HIBCH: variants seen among roughly 807,000 people sequenced by gnomAD.
The protein encoded by HIBCH is 3-hydroxyisobutyryl-CoA hydrolase, mitochondrial.
In HIBCH, 50 loss-of-function variants were observed where a neutral mutation model predicts 58.2. The observed-to-expected ratio is 0.86, with a 90% CI of 0.68 to 1.09. The LOEUF (loss-of-function observed/expected upper bound fraction) is 1.09. Ranked by LOEUF, HIBCH falls within the 50% of genes least tolerant of loss-of-function variation. HIBCH has a pLI of 0.00. For synonymous variants in HIBCH, 151 were observed against 146.9 expected, an observed-to-expected ratio of 1.03 and a Z score of -0.20; for missense variants, 450 against 449.7, an observed-to-expected ratio of 1.00 and a Z score of -0.01.
At chr2:190,277,640 T>C (rs1355772343) in intron 6 of HIBCH, among the ~76,000 whole-genome samples, 6 of 152,142 alleles carry the variant, frequency 3.9e-5, no homozygotes, top group Non-Finnish European at 8.8e-5. Context: ...ATTGCAACCT[T>C]AGTAAGAAAA....
At chr2:190,249,553 A>T (rs1686705036) in intron 9 of HIBCH, 87 bp downstream of exon 9, 1 of 725,244 alleles carries the variant, frequency 1.4e-6, no homozygotes, top group Non-Finnish European at 2.4e-6. Flanking sequence ...TATATTTACA[A>T]ACTATAATAT....
In HIBCH at chr2:190,211,825, T is replaced by C. The variant is rs1005400167; in HGVS notation, c.1011+1131A>G. Among the ~76,000 whole-genome samples, 2 of 152,230 alleles carry C rather than the reference T, an allele frequency of 1.3e-5. No homozygotes were observed. Among genetic ancestry groups the C allele is most frequent in the African/African-American group, 4.8e-5 (2 of 41,466 alleles). On this transcript the variant is annotated intron_variant, in intron 12 of 13. Transcript: ENST00000359678. This position sits in a 1 kb window ranked among gnomAD's most constrained non-coding sequence, Gnocchi z 5.0. ...GTCTTCTTATTCAACAATATAAGGC[T>C]AACACTGAGCACAGTGCCTGGGACA...
rs371518713 is a variant in HIBCH at position 190,298,141 on chromosome 2, T to C, written c.79-1188A>G. 2.0e-5 allele frequency among the ~76,000 whole-genome samples: 3 copies of C among 152,186 alleles called. No individual in the cohort carries two copies. The East Asian group carries it at 5.8e-4, about 29-fold the overall frequency. ...TGGTGTATATGTGCCACATTTTCTT[T>C]ATCCAGTCTATTATTGATGGGCACC... On this transcript the variant is annotated intron_variant, in intron 2 of 13. Transcript: ENST00000359678.
At chr2:190,253,354 C>G (rs1686833113) in intron 7 of HIBCH, among the ~76,000 whole-genome samples, 1 of 152,084 alleles carries the variant, frequency 6.6e-6, no homozygotes, top group South Asian at 2.1e-4. Context: ...AATGCAAGCA[C>G]TAAAATTCTC....
At chr2:190,241,586 T>C (rs1390165742) in intron 11 of HIBCH, among the ~76,000 whole-genome samples, 1 of 152,252 alleles carries the variant, frequency 6.6e-6, no homozygotes, top group Admixed American at 6.5e-5. Context: ...GGTATGTTTT[T>C]GCAGTGGCTG....
intron 2 of HIBCH, among the ~76,000 whole-genome samples, chr2:190,308,498 T>G (rs1367064071): frequency 6.6e-6 from 1 of 152,196 alleles, no homozygotes; most frequent in East Asian, 1.9e-4. Flanking sequence ...ATTAATGAGT[T>G]AATGAACCAA....
intron 6 of HIBCH, among the ~76,000 whole-genome samples, chr2:190,265,933 T>G (rs1687223038): frequency 6.6e-6 from 1 of 152,222 alleles, no homozygotes; most frequent in Admixed American, 6.5e-5. Flanking sequence ...TTATCAGTTT[T>G]AATAGTCTAT....
intron 1 of HIBCH, among the ~76,000 whole-genome samples, chr2:190,198,600 C>T (rs181201222): frequency 7.4e-5 from 10 of 135,554 alleles, no homozygotes; most frequent in Admixed American, 5.0e-4. Context: ...TCCTTTACTC[C>T]AGACTGAGTT....
chr2:190,290,576 G>C (rs1422956065), intron 4 of HIBCH, 91 bp from the exon 5 acceptor site: 2 of 829,036 alleles, frequency 2.4e-6, no homozygotes, highest in African/African-American at 3.4e-5. Context: ...TAAATACTGG[G>C]GGAAGGGAGT....
chr2:190,283,330 TC>T (rs1687751873), intron 6 of HIBCH, among the ~76,000 whole-genome samples: 1 of 152,106 alleles, frequency 6.6e-6, no homozygotes, highest in Non-Finnish European at 1.5e-5. Context: ...CCCATCACTC[TC>T]TTTAAAGTAG....
At chr2:190,314,569 C>CCCA (rs1381257653) in intron 1 of HIBCH, among the ~76,000 whole-genome samples, 2 of 151,912 alleles carry the variant, frequency 1.3e-5, no homozygotes. Flanking sequence ...ACCTCTGCCT[C>CCCA]CCAGGTTCCA....
chr2:190,267,422 C>T (rs1687272432), intron 6 of HIBCH, among the ~76,000 whole-genome samples: 1 of 151,932 alleles, frequency 6.6e-6, no homozygotes, highest in Non-Finnish European at 1.5e-5. Flanking sequence ...GTCTTGAATG[C>T]CTGACCTTAG....
At chr2:190,289,423 T>C (rs1687910110) in intron 5 of HIBCH, among the ~76,000 whole-genome samples, 1 of 152,196 alleles carries the variant, frequency 6.6e-6, no homozygotes, top group Non-Finnish European at 1.5e-5. Flanking sequence ...AATCTTTTAG[T>C]TCATAAATAT....
In HIBCH at chr2:190,206,272, T is replaced by G. The variant is rs748562460; in HGVS notation, c.1046-1040A>C. Among the ~76,000 whole-genome samples, 7 of 152,156 alleles carry G rather than the reference T, an allele frequency of 4.6e-5. No homozygotes were observed. The highest frequency in any genetic ancestry group is 6.6e-5 in the Admixed American group (1 of 15,266). Reference sequence around the variant, plus strand: ...CCTACTATGAGATTCTGGTATCAGATCAGTGGCGATATTAAATACTGATGT... The same window carrying G: ...CCTACTATGAGATTCTGGTATCAGAGCAGTGGCGATATTAAATACTGATGT... On this transcript the variant is annotated intron_variant, in intron 13 of 13. Transcript: ENST00000359678. The surrounding 1 kb of genome is among the most constrained non-coding windows in gnomAD (Gnocchi z 5.1).
At chr2:190,308,077 A>G (rs186936159) in intron 2 of HIBCH, among the ~76,000 whole-genome samples, 1 of 152,176 alleles carries the variant, frequency 6.6e-6, no homozygotes, top group East Asian at 1.9e-4. Flanking sequence ...TGCTTGGGAT[A>G]CATCTTCTCT....
At position 190,315,216 on chromosome 2, in the gene HIBCH, G is replaced by A. The variant is rs1270873138; in HGVS notation, c.36-4420C>T. 6.6e-6 allele frequency among the ~76,000 whole-genome samples: 1 copy of A among 152,150 alleles called. No individual in the cohort carries two copies. Among genetic ancestry groups the A allele is most frequent in the African/African-American group, 2.4e-5 (1 of 41,426 alleles). On this transcript the variant is annotated intron_variant, in intron 1 of 13. Transcript: ENST00000359678. This position sits in a 1 kb window ranked among gnomAD's most constrained non-coding sequence, Gnocchi z 5.4. Reference sequence around the variant, plus strand: ...TCCGCCCGCCTCAGCCTCCCAAAGTGCTGAAATTACAGGCATGAGCCACTG... The same window carrying A: ...TCCGCCCGCCTCAGCCTCCCAAAGTACTGAAATTACAGGCATGAGCCACTG...
At chr2:190,258,116 C>T (rs1356830576) in intron 7 of HIBCH, among the ~76,000 whole-genome samples, 1 of 152,090 alleles carries the variant, frequency 6.6e-6, no homozygotes, top group Non-Finnish European at 1.5e-5. Context: ...TTCCCCCTTG[C>T]TGTTCTCATA....
Position 190,296,380 on chromosome 2 carries a change from A to G in HIBCH, c.219+433T>C, listed in dbSNP as rs1688103997. On this transcript the variant is annotated intron_variant, in intron 3 of 13. Coordinates refer to ENST00000359678, the MANE Select transcript of HIBCH (RefSeq NM_014362.4). ...GCTTGCAGTGAGCCGAGATGGTGCC[A>G]CTGCACTCCAGCCTGGGCGACAGAG... Among the ~76,000 whole-genome samples, 22 of 150,692 alleles carry G rather than the reference A, an allele frequency of 1.5e-4. No homozygotes were observed. In the Admixed American group the frequency reaches 1.5e-3, roughly 10 times the overall value.
chr2:190,234,886 G>C (rs777486170), intron 11 of HIBCH, among the ~76,000 whole-genome samples: 2 of 151,912 alleles, frequency 1.3e-5, no homozygotes, highest in Non-Finnish European at 2.9e-5. Flanking sequence ...CCAGTATAAT[G>C]GTTATGTATT....
Sources: allele counts gnomAD v4.1 joint callset (sites outside exome capture counted in the v4.1 genomes callset), GRCh38; gene constraint gnomAD v4.1.1; non-coding constraint Gnocchi (gnomAD v3.1); transcripts MANE v1.5; gene names NCBI Gene and HGNC (gene_info 2026-07-23, HGNC 2026-07-21).